Variants in UNC79 observed in about 807,000 individuals in gnomAD.
UNC79 encodes protein unc-79 homolog.
A neutral mutation model predicts 283.1 loss-of-function variants in UNC79; 37 were observed. That is an observed-to-expected ratio of 0.13 (90% CI 0.10 to 0.17). The LOEUF is 0.17. UNC79 is among the 10% of genes least tolerant of loss of function. The probability of loss-of-function intolerance (pLI) is 1.00; values close to 1 mark genes in which losing one functional copy is unlikely to be tolerated. For missense variants in UNC79, 2,272 were observed against 3,211.1 expected (o/e 0.71, Z 7.07); for synonymous variants, 1,107 against 1,200.2 (o/e 0.92, Z 1.61).
At chr14:93,438,074 T>C (rs2056155634) in intron 1 of UNC79, among the ~76,000 whole-genome samples, 3 of 152,220 alleles carry the variant, frequency 2.0e-5, no homozygotes, top group South Asian at 2.1e-4. Context: ...TATTCTTCCA[T>C]TGGTTTTGTG....
At chr14:93,347,181 C>T (rs2053860912) in intron 1 of UNC79, 1 of 1,458,384 alleles carries the variant, frequency 6.9e-7, no homozygotes, top group South Asian at 1.4e-5. Flanking sequence ...CTGCGCAAAC[C>T]AGCTGCCTCA....
At chr14:93,538,147 C>G in exon 12 of UNC79, 2 of 1,614,006 alleles carry the variant, frequency 1.2e-6, no homozygotes, top group East Asian at 4.5e-5. Flanking sequence ...TCTATCAGAC[C>G]TCTCCTCCGC....
chr14:93,365,580 T>C (rs2054312483), intron 1 of UNC79, among the ~76,000 whole-genome samples: 3 of 152,236 alleles, frequency 2.0e-5, no homozygotes, highest in Middle Eastern at 6.8e-3. Context: ...CATCCTTGAC[T>C]ATGAAGCAGA....
Position 93,487,884 on chromosome 14 carries a change from A to G in UNC79, c.712+129A>G, listed in dbSNP as rs1343849852. On this transcript the variant is annotated intron_variant, in intron 5 of 48. Coordinates refer to ENST00000555664, the Ensembl canonical transcript of UNC79. ...GAGATGTGTAGAAAACAGACTTTTG[A>G]GTTGGAATCAATTTATCTTGCCTAT... The G allele has an allele frequency of 3.8e-6, 3 of 782,860 alleles. No homozygotes were observed. In the African/African-American group the frequency reaches 5.2e-5, roughly 14 times the overall value. The allele number at this position is 782,860 out of a possible 1,614,324, so 48.5% of individuals were successfully genotyped here.
intron 31 of UNC79, 77 bp downstream of exon 34, chr14:93,634,714 T>C: frequency 7.7e-7 from 1 of 1,290,334 alleles, no homozygotes; most frequent in Non-Finnish European, 1.1e-6. Context: ...TCTGCTCCCT[T>C]GTTAAAGAAT....
At chr14:93,555,497 G>T (rs2062126230) in intron 14 of UNC79, among the ~76,000 whole-genome samples, 1 of 152,118 alleles carries the variant, frequency 6.6e-6, no homozygotes, top group South Asian at 2.1e-4. Flanking sequence ...TCTGCTTCCT[G>T]GGTTCAGGTG....
chr14:93,334,866 T>C (rs897228874), intron 1 of UNC79: 1 of 152,218 alleles, frequency 6.6e-6, no homozygotes, highest in Admixed American at 6.5e-5. Context: ...TGTATTGCAT[T>C]AACTGAAAGA....
intron 4 of UNC79, among the ~76,000 whole-genome samples, chr14:93,480,494 ACTTTC>A (rs1205628776): frequency 6.6e-6 from 1 of 152,104 alleles, no homozygotes; most frequent in Non-Finnish European, 1.5e-5. Flanking sequence ...TTTGGCTTTG[ACTTTC>A]CTTTCTCATA....
intron 1 of UNC79, among the ~76,000 whole-genome samples, chr14:93,421,332 T>G (rs983173701): frequency 6.6e-6 from 1 of 151,628 alleles, no homozygotes; most frequent in African/African-American, 2.4e-5. Context: ...ACTATTAATA[T>G]ATGCCAATAA....
Position 93,491,144 on chromosome 14 carries a change from C to T in UNC79, c.712+3389C>T, listed in dbSNP as rs527242376. On this transcript the variant is annotated intron_variant, in intron 5 of 48. Transcript: ENST00000555664. ...AAAGGGCAAGGGATTTCTCTGGGGC[C>T]TCTTTTATAAGGGCACTAATCACCT... Among the ~76,000 whole-genome samples the T allele has an allele frequency of 4.6e-5, 7 of 152,154 alleles. No individual in the cohort carries two copies. In the East Asian group the frequency reaches 9.7e-4, roughly 21 times the overall value.
chr14:93,528,614 T>C (rs749562243), exon 9 of UNC79: 5 of 1,613,770 alleles, frequency 3.1e-6, no homozygotes, highest in Non-Finnish European at 4.2e-6. Flanking sequence ...CCCCGTTGTA[T>C]CTCTGTGAAG....
intron 41 of UNC79, among the ~76,000 whole-genome samples, chr14:93,680,293 C>T (rs1952229): frequency 0.62 from 93,496 of 151,924 alleles, 29,204 homozygotes; most frequent in Admixed American, 0.67. Flanking sequence ...GAGATACAGA[C>T]ATTTAAAATT....
chr14:93,485,928 G>A (rs1035844881), intron 4 of UNC79, among the ~76,000 whole-genome samples: 35 of 152,192 alleles, frequency 2.3e-4, no homozygotes, highest in Admixed American at 1.3e-3. Flanking sequence ...AAAGAATTGT[G>A]TTAATTTTTT....
chr14:93,538,804 C>CAA (rs534706329), intron 12 of UNC79, among the ~76,000 whole-genome samples: 2,459 of 111,086 alleles, frequency 0.022, 65 homozygotes, highest in African/African-American at 0.025. Context: ...ATCACATGAC[C>CAA]AAAAAAAAAA....
In UNC79 at chr14:93,586,755, T is replaced by G; in HGVS notation, c.2884-5T>G. 1 of 1,613,526 alleles carries G rather than the reference T, an allele frequency of 6.2e-7. No individual in the cohort carries two copies. The highest frequency in any genetic ancestry group is 8.5e-7 in the Non-Finnish European group (1 of 1,179,850). ...AACTTAGTAACCATGTGGTTTTTTG[T>G]ATAGGAAATGGCTAAGTTTGAAGAG... On this transcript the variant is annotated splice_region_variant and splice_polypyrimidine_tract_variant and intron_variant, in intron 21 of 48. Transcript: ENST00000555664.
At chr14:93,471,335 A>C (rs12433073) in intron 2 of UNC79, among the ~76,000 whole-genome samples, 2,077 of 152,260 alleles carry the variant, frequency 0.014, 59 homozygotes, top group African/African-American at 0.048. Flanking sequence ...CCTCAGGGCA[A>C]CTTCTCATCT....
At chr14:93,683,288 C>T (rs778468731) in intron 42 of UNC79, among the ~76,000 whole-genome samples, 4 of 152,118 alleles carry the variant, frequency 2.6e-5, no homozygotes, top group African/African-American at 9.7e-5. Flanking sequence ...CGTGCATACT[C>T]GGGGATCAGG....
At chr14:93,562,781 G>C (rs1278826174) in intron 14 of UNC79, among the ~76,000 whole-genome samples, 1 of 152,136 alleles carries the variant, frequency 6.6e-6, no homozygotes, top group African/African-American at 2.4e-5. Flanking sequence ...AGACCCTGTG[G>C]GAAAGGCCTC....
chr14:93,698,476 G>GTGTT, intron 47 of UNC79, among the ~76,000 whole-genome samples: 1 of 79,096 alleles, frequency 1.3e-5, no homozygotes, highest in Non-Finnish European at 2.6e-5. Context: ...TTTAGTTTAG[G>GTGTT]TTTTTTTTTT....
Sources: allele counts gnomAD v4.1 joint callset (sites outside exome capture counted in the v4.1 genomes callset), GRCh38; gene constraint gnomAD v4.1.1; transcripts MANE v1.5; gene names NCBI Gene and HGNC (gene_info 2026-07-23, HGNC 2026-07-21).